CPT1C: variants seen among roughly 807,000 people sequenced by gnomAD.
CPT1C encodes the protein palmitoyl thioesterase CPT1C.
Under a neutral mutation model 97.3 loss-of-function variants are expected in CPT1C, and 61 were observed. The observed-to-expected ratio is 0.63, with a 90% CI of 0.51 to 0.78. The LOEUF (loss-of-function observed/expected upper bound fraction) is 0.78. Ranked by LOEUF, CPT1C falls within the 30% of genes least tolerant of loss-of-function variation. The pLI is 0.00. For missense variants in CPT1C, 975 were observed against 1,065.5 expected, an observed-to-expected ratio of 0.92 and a Z score of 1.18; for synonymous variants, 469 against 447.2, an observed-to-expected ratio of 1.05 and a Z score of -0.61.
Position 49,692,373 on chromosome 19 carries a change from A to C in CPT1C, c.121A>C (p.Arg41=). Residue 41 remains arginine, a synonymous_variant, in exon 3 of 20, where the codon AGG becomes CGG. Coordinates refer to ENST00000598293, the MANE Select transcript of CPT1C (RefSeq NM_001199753.2). ...CCTCTCTGGCCTGCGCTCCTGGAAA[A>C]GGCATCTCTCACGTTTCTGGGTGAG... ...IYLSGLRSWK[R]HLSRFWNDFL... 6.2e-7 allele frequency: 1 copy of C among 1,614,042 alleles called. No homozygotes were observed. The highest frequency in any genetic ancestry group is 8.5e-7 in the Non-Finnish European group (1 of 1,179,984).
At chr19:49,712,034 G>A in intron 17 of CPT1C, 73 bp downstream of exon 17, 6 of 1,548,562 alleles carry the variant, frequency 3.9e-6, no homozygotes, top group South Asian at 1.2e-5. Context: ...CAGGGAAGGA[G>A]GGTGATGTTG....
intron 14 of CPT1C, 130 bp downstream of exon 14, chr19:49,708,969 C>T: frequency 1.6e-6 from 1 of 618,356 alleles, no homozygotes; most frequent in Non-Finnish European, 2.8e-6. Flanking sequence ...ACCCATGCTT[C>T]CCCCACCCCC....
chr19:49,708,678 G>A (rs775903388), intron 13 of CPT1C, 45 bp from the exon 14 acceptor site: 43 of 1,443,514 alleles, frequency 3.0e-5, no homozygotes, highest in Non-Finnish European at 4.2e-5. Flanking sequence ...GATGGCCTCA[G>A]TCCACAGGGA....
chr19:49,698,037 G>T (rs1202093688), intron 4 of CPT1C: 4 of 111,094 alleles, frequency 3.6e-5, no homozygotes, highest in African/African-American at 1.1e-4. Context: ...TGACAAGAGC[G>T]AAACTCCATC....
At position 49,706,515 on chromosome 19, in the gene CPT1C, C is replaced by A; in HGVS notation, c.1343+102C>A. ...GACAGCCAGACCCTGGAGCCCACAC[C>A]TGCAGAGTCTGTAGACCAGGGGCTG... is the stretch of plus-strand genomic sequence containing the variant. On this transcript the variant is annotated intron_variant, in intron 12 of 19. Coordinates refer to ENST00000598293, the MANE Select transcript of CPT1C (RefSeq NM_001199753.2). The surrounding 1 kb of genome is among the most constrained non-coding windows in gnomAD (Gnocchi z 4.8). 3 of 1,028,418 alleles carry A rather than the reference C, an allele frequency of 2.9e-6. No individual in the cohort carries two copies. Among genetic ancestry groups the A allele is most frequent in the Non-Finnish European group, 3.9e-6 (3 of 771,640 alleles). 63.7% of individuals were successfully genotyped at this position (1,028,418 alleles called of 1,614,324 possible).
chr19:49,702,953 C>A (rs1180972406), intron 7 of CPT1C, among the ~76,000 whole-genome samples: 1 of 152,048 alleles, frequency 6.6e-6, no homozygotes, highest in East Asian at 1.9e-4. Context: ...TATGTGGAAG[C>A]CTCAGTTGGT....
Position 49,706,304 on chromosome 19 carries a change from G to A in CPT1C, c.1234G>A (p.Ala412Thr), listed in dbSNP as rs951325541. 2.6e-6 allele frequency: 4 copies of A among 1,531,482 alleles called. No homozygotes were observed. The highest frequency in any genetic ancestry group is 3.5e-6 in the Non-Finnish European group (4 of 1,143,152). 94.9% of individuals were successfully genotyped at this position (1,531,482 alleles called of 1,614,324 possible). A position where few individuals can be genotyped will look rare whatever the true frequency, so the allele number is the denominator to read the frequency against. Reference protein sequence around the residue: ...AEALEAVEGAAFFVSLDAEPA... With the variant: ...AEALEAVEGATFFVSLDAEPA... Reference sequence around the variant, plus strand: ...GGCCCTGGAGGCGGTGGAAGGGGCCGCTTTCTTTGTGTCACTGGATGCTGA... The same window carrying A: ...GGCCCTGGAGGCGGTGGAAGGGGCCACTTTCTTTGTGTCACTGGATGCTGA... The change falls in exon 12 of 20, where the codon GCT (alanine) becomes ACT (threonine). Residue 412 changes from alanine to threonine, a missense_variant. Ala to Thr is a moderately conservative substitution (Grantham distance 58). Coordinates refer to ENST00000598293, the MANE Select transcript of CPT1C (RefSeq NM_001199753.2). This position sits in a 1 kb window ranked among gnomAD's most constrained non-coding sequence, Gnocchi z 4.8.
At chr19:49,700,113 G>C (rs1712216617) in intron 4 of CPT1C, among the ~76,000 whole-genome samples, 1 of 151,528 alleles carries the variant, frequency 6.6e-6, no homozygotes, top group African/African-American at 2.4e-5. Flanking sequence ...CGGGCGTGGT[G>C]GTGGGCACCT....
At position 49,702,057 on chromosome 19, in the gene CPT1C, T is replaced by TAA. The variant is rs562067982; in HGVS notation, c.693+424_693+425insAA. Among the ~76,000 whole-genome samples the TAA allele has an allele frequency of 4.7e-3, 435 of 92,670 alleles. 30 individuals are homozygous for TAA. The highest frequency in any genetic ancestry group is 0.016 in the East Asian group (74 of 4,558). 60.8% of individuals were successfully genotyped at this position (92,670 alleles called of 152,430 possible). ...TATATATTTATTTATAAATTATAAA[T>TAA]ATATATTTATTTATAAATTATAAAT... On this transcript the variant is annotated intron_variant, in intron 7 of 19. Coordinates refer to ENST00000598293, the MANE Select transcript of CPT1C (RefSeq NM_001199753.2).
chr19:49,697,654 C>T, intron 4 of CPT1C, 189 bp downstream of exon 4: 1 of 598,292 alleles, frequency 1.7e-6, no homozygotes, highest in Non-Finnish European at 2.8e-6. Context: ...CCTGTAATCC[C>T]AGCACATTGG....
rs200075170 is a variant in CPT1C at position 49,706,056 on chromosome 19, C to T, written c.1112C>T (p.Pro371Leu). ...QFQRILDDPS[P>L]ACPHEEHLAA... Reference sequence around the variant, plus strand: ...CAGAGAATCCTGGATGATCCCTCACCGGCCTGCCCCCACGAGGAACATCTG... The same window carrying T: ...CAGAGAATCCTGGATGATCCCTCACTGGCCTGCCCCCACGAGGAACATCTG... The change falls in exon 11 of 20, where the codon CCG (proline) becomes CTG (leucine). Residue 371 changes from proline (P) to leucine (L), a missense_variant. Pro to Leu is a moderately conservative substitution (Grantham distance 98). Coordinates refer to ENST00000598293, the MANE Select transcript of CPT1C (RefSeq NM_001199753.2). The surrounding 1 kb of genome is among the most constrained non-coding windows in gnomAD (Gnocchi z 4.8). 3.7e-5 allele frequency: 59 copies of T among 1,613,880 alleles called. No homozygotes were observed. Among genetic ancestry groups the T allele is most frequent in the Admixed American group, 6.7e-5 (4 of 59,976 alleles).
intron 14 of CPT1C, among the ~76,000 whole-genome samples, chr19:49,710,004 G>A (rs780388143): frequency 2.6e-5 from 4 of 151,598 alleles, no homozygotes; most frequent in South Asian, 4.2e-4. Context: ...GTGCCACCAC[G>A]GCCAGCTAGT....
intron 4 of CPT1C, among the ~76,000 whole-genome samples, chr19:49,699,969 C>T (rs552376690): frequency 3.3e-5 from 5 of 150,420 alleles, no homozygotes; most frequent in South Asian, 4.2e-4. Flanking sequence ...CAAAACATGC[C>T]GGGCGTGGTG....
Position 49,700,334 on chromosome 19 carries a change from G to A in CPT1C, c.282-350G>A, listed in dbSNP as rs114513654. Among the ~76,000 whole-genome samples the A allele has an allele frequency of 2.2e-3, 332 of 152,144 alleles. 1 individual carries two copies. Among genetic ancestry groups the A allele is most frequent in the African/African-American group, 7.3e-3 (304 of 41,510 alleles). ...CTTGTTAGGTCTTAAAGGCGCCCAG[G>A]AATATGCATTTCGAACAAGCTCCCA... On this transcript the variant is annotated intron_variant, in intron 4 of 19. Coordinates refer to ENST00000598293, the MANE Select transcript of CPT1C (RefSeq NM_001199753.2).
chr19:49,713,081 T>A lies in CPT1C; in HGVS notation c.2226+17T>A. ...ACAAAAACGGTGAGACAAACGTGTA[T>A]ACCCACCAACTCCCTCTTTCCTCAG... On this transcript the variant is annotated intron_variant, in intron 19 of 19. Transcript: ENST00000598293. 6.3e-7 allele frequency: 1 copy of A among 1,597,514 alleles called. No homozygotes were observed. The highest frequency in any genetic ancestry group is 8.6e-7 in the Non-Finnish European group (1 of 1,164,960).
intron 4 of CPT1C, among the ~76,000 whole-genome samples, chr19:49,699,457 TAAAAAAAAAAAA>T (rs71180647): frequency 1.1e-4 from 4 of 35,292 alleles, no homozygotes; most frequent in South Asian, 2.4e-3. Flanking sequence ...CCCCTGTCTC[TAAAAAAAAAAAA>T]AAAAAAAAAA....
chr19:49,693,610 G>A (rs1164080404), intron 3 of CPT1C, among the ~76,000 whole-genome samples: 1 of 152,148 alleles, frequency 6.6e-6, no homozygotes, highest in Non-Finnish European at 1.5e-5. Context: ...TTAGCATGGA[G>A]AACACAGCAG....
rs57693875 is a variant in CPT1C at position 49,701,936 on chromosome 19, T to TTATATTTATA, written c.693+306_693+307insTTTATATATA. ...TATATTTATATACAAATATTAATAT[T>TTATATTTATA]TATAAATTTATATATAAATATATTT... is the stretch of plus-strand genomic sequence containing the variant. On this transcript the variant is annotated intron_variant, in intron 7 of 19. Transcript: ENST00000598293. Among the ~76,000 whole-genome samples, 70 of 74,118 alleles carry TTATATTTATA rather than the reference T, an allele frequency of 9.4e-4. 2 individuals are homozygous for TTATATTTATA. Among genetic ancestry groups the TTATATTTATA allele is most frequent in the African/African-American group, 5.7e-3 (61 of 10,628 alleles). The allele number at this position is 74,118 out of a possible 152,430, so 48.6% of individuals were successfully genotyped here. A position where few individuals can be genotyped will look rare whatever the true frequency, so the allele number is the denominator to read the frequency against.
chr19:49,697,147 T>TA (rs1320147578), intron 3 of CPT1C, among the ~76,000 whole-genome samples, 179 bp from the exon 4 acceptor site: 1 of 152,232 alleles, frequency 6.6e-6, no homozygotes, highest in African/African-American at 2.4e-5. Context: ...AATTAATACT[T>TA]ACTTCATTCT....
Sources: gnomAD v4.1 joint callset for allele counts (sites outside exome capture counted in the v4.1 genomes callset) on GRCh38, gnomAD v4.1.1 for gene constraint, Gnocchi (gnomAD v3.1) non-coding constraint, MANE v1.5 for transcripts, NCBI Gene and HGNC (gene_info 2026-07-23, HGNC 2026-07-21) for gene names.